Variants in METTL15 observed in about 807,000 individuals in gnomAD.
The protein encoded by METTL15 is 12S rRNA N(4)-cytidine methyltransferase METTL15.
In METTL15, 34 loss-of-function variants were observed where a neutral mutation model predicts 38.3. The ratio of observed to expected loss-of-function variants is 0.89; its 90% CI spans 0.68 to 1.18. METTL15 has a LOEUF of 1.18. Ranked by LOEUF, METTL15 falls within the 50% of genes most tolerant of loss-of-function variation. The probability of loss-of-function intolerance (pLI) is 0.00; values close to 1 mark genes in which losing one functional copy is unlikely to be tolerated. For synonymous variants in METTL15, 162 were observed against 170.9 expected, an observed-to-expected ratio of 0.95 and a Z score of 0.41; for missense variants, 438 against 498.4, an observed-to-expected ratio of 0.88 and a Z score of 1.15.
intron 4 of METTL15, among the ~76,000 whole-genome samples, chr11:28,354,402 A>G (rs9787909): frequency 6.6e-6 from 1 of 152,074 alleles, no homozygotes; most frequent in Non-Finnish European, 1.5e-5. Flanking sequence ...CTTAACTGCT[A>G]ATCTATAGAA....
chr11:28,160,062 A>G (rs2133739681), intron 3 of METTL15, among the ~76,000 whole-genome samples: 1 of 152,184 alleles, frequency 6.6e-6, no homozygotes, highest in African/African-American at 2.4e-5. Flanking sequence ...CAGCATGGCT[A>G]GAATAAAAGA....
Position 28,309,187 on chromosome 11 carries a change from C to T in METTL15, c.778+12256C>T, listed in dbSNP as rs553123693. On this transcript the variant is annotated intron_variant, in intron 6 of 6. Transcript: ENST00000407364. ...CACCAAAATCGTCTTCTCTTCCTGG[C>T]GTTGTTGTCCTTACAGTAATATCTG... Among the ~76,000 whole-genome samples the T allele has an allele frequency of 3.3e-5, 5 of 152,284 alleles. No homozygotes were observed. In the South Asian group the frequency reaches 6.2e-4, roughly 19 times the overall value.
At position 28,212,157 on chromosome 11, in the gene METTL15, A is replaced by G. The variant is rs148572760; in HGVS notation, c.407+959A>G. Reference sequence around the variant, plus strand: ...TATTTACAGCCTCTTTCTGGTCCCAAACTCTTTGCAAATCTAATGAATGTG... The same window carrying G: ...TATTTACAGCCTCTTTCTGGTCCCAGACTCTTTGCAAATCTAATGAATGTG... On this transcript the variant is annotated intron_variant, in intron 4 of 6. Transcript: ENST00000407364. 4.3e-3 allele frequency among the ~76,000 whole-genome samples: 656 copies of G among 152,106 alleles called. 8 individuals are homozygous for G. The highest frequency in any genetic ancestry group is 4.3e-3 in the Non-Finnish European group (292 of 67,914).
chr11:28,212,111 G>T (rs192100871), intron 4 of METTL15, among the ~76,000 whole-genome samples: 108 of 152,160 alleles, frequency 7.1e-4, no homozygotes, highest in African/African-American at 2.3e-3. Flanking sequence ...AATAGGAAGT[G>T]TAATTCGTCA....
chr11:28,165,713 TA>T (rs35905444), intron 3 of METTL15, among the ~76,000 whole-genome samples: 69,045 of 151,104 alleles, frequency 0.46, 17,130 homozygotes, highest in Admixed American at 0.55. Flanking sequence ...CAGGGTTGTA[TA>T]AAAAAAAAAT....
intron 6 of METTL15, among the ~76,000 whole-genome samples, chr11:28,437,315 C>A (rs1026312373): frequency 5.3e-5 from 8 of 152,092 alleles, no homozygotes; most frequent in African/African-American, 1.7e-4. Context: ...TAGTTCTTTC[C>A]CTCTAGAGAA....
intron 6 of METTL15, among the ~76,000 whole-genome samples, chr11:28,452,605 A>G (rs1475643136): frequency 6.6e-6 from 1 of 152,178 alleles, no homozygotes; most frequent in East Asian, 1.9e-4. Flanking sequence ...AAGAAAAAAA[A>G]TCACATCATC....
intron 6 of METTL15, among the ~76,000 whole-genome samples, chr11:28,310,861 T>A (rs1416207206): frequency 4.0e-5 from 6 of 148,324 alleles, no homozygotes; most frequent in Non-Finnish European, 7.4e-5. Context: ...TATTTTCATC[T>A]TTAAGACCTA....
chr11:28,347,810 T>C (rs1245917263), intron 3 of METTL15, among the ~76,000 whole-genome samples: 1 of 152,224 alleles, frequency 6.6e-6, no homozygotes, highest in African/African-American at 2.4e-5. Context: ...TGCTTCATTT[T>C]GCAAGACCAT....
chr11:28,294,585 G>C (rs1261610030), intron 5 of METTL15, among the ~76,000 whole-genome samples: 1 of 152,140 alleles, frequency 6.6e-6, no homozygotes, highest in Non-Finnish European at 1.5e-5. Context: ...GGCAGTTATA[G>C]TCTTCACTGG....
At chr11:28,166,924 G>A (rs913838985) in intron 3 of METTL15, among the ~76,000 whole-genome samples, 3 of 152,200 alleles carry the variant, frequency 2.0e-5, no homozygotes, top group Admixed American at 1.3e-4. Flanking sequence ...ACTCCAGCCT[G>A]TGTGACAGAG....
At chr11:28,316,021 A>T (rs1857468946) in intron 6 of METTL15, among the ~76,000 whole-genome samples, 1 of 152,218 alleles carries the variant, frequency 6.6e-6, no homozygotes, top group African/African-American at 2.4e-5. Flanking sequence ...TGGCAGAGAA[A>T]TGTGGGACCC....
At chr11:28,403,512 A>G (rs1203670147) in intron 5 of METTL15, among the ~76,000 whole-genome samples, 2 of 152,032 alleles carry the variant, frequency 1.3e-5, no homozygotes, top group African/African-American at 2.4e-5. Context: ...AATCTAGAAT[A>G]GGGGTTAATA....
chr11:28,192,949 T>C (rs1035035296), intron 3 of METTL15, among the ~76,000 whole-genome samples: 15 of 152,138 alleles, frequency 9.9e-5, no homozygotes, highest in Non-Finnish European at 1.9e-4. Flanking sequence ...GACTTTTTCA[T>C]AATATTGCAT....
chr11:28,381,386 G>A (rs61890878), intron 5 of METTL15, among the ~76,000 whole-genome samples: 126 of 151,934 alleles, frequency 8.3e-4, no homozygotes, highest in Admixed American at 1.6e-3. Flanking sequence ...CTGACTTTCT[G>A]GATATTTATC....
intron 5 of METTL15, among the ~76,000 whole-genome samples, chr11:28,375,595 T>C (rs542395173): frequency 2.0e-5 from 3 of 152,160 alleles, no homozygotes; most frequent in Non-Finnish European, 4.4e-5. Flanking sequence ...CTATCAATTT[T>C]GTTGATCCTT....
intron 3 of METTL15, among the ~76,000 whole-genome samples, chr11:28,194,759 A>G (rs751606320): frequency 1.3e-5 from 2 of 151,972 alleles, no homozygotes; most frequent in Non-Finnish European, 2.9e-5. Flanking sequence ...TGAATTGTAT[A>G]GTGGTGAAGT....
rs941666675 is a variant in METTL15, at chr11:28,332,641, A to G, written c.*1800A>G. 6 of 149,622 alleles carry G rather than the reference A, an allele frequency of 4.0e-5. No homozygotes were observed. The highest frequency in any genetic ancestry group is 2.6e-4 in the Admixed American group (4 of 15,112). 9.3% of individuals were successfully genotyped at this position (149,622 alleles called of 1,614,324 possible). A position where few individuals can be genotyped will look rare whatever the true frequency, so the allele number is the denominator to read the frequency against. ...TGGAGCAGGGCAGGCCCTTAATCCA[A>G]TATGACTGGTGTTCCTTATAAGAGA... is the stretch of plus-strand genomic sequence containing the variant. On this transcript the variant is annotated 3_prime_UTR_variant, in exon 7 of 7. Transcript: ENST00000407364.
chr11:28,519,659 G>A (rs947878851), intron 6 of METTL15, among the ~76,000 whole-genome samples: 1 of 152,158 alleles, frequency 6.6e-6, no homozygotes, highest in African/African-American at 2.4e-5. Context: ...AAGTGTGATG[G>A]TCAAGTGCAC....
Sources: gnomAD v4.1 joint callset for allele counts (sites outside exome capture counted in the v4.1 genomes callset) on GRCh38, gnomAD v4.1.1 for gene constraint, MANE v1.5 for transcripts, NCBI Gene and HGNC (gene_info 2026-07-23, HGNC 2026-07-21) for gene names.